PALM2AKAP2: variants seen among roughly 807,000 people sequenced by gnomAD.
The protein encoded by PALM2AKAP2 is PALM2 and AKAP2 fusion.
Under a neutral mutation model 71.5 loss-of-function variants are expected in PALM2AKAP2, and 37 were observed. The ratio of observed to expected loss-of-function variants is 0.52; its 90% CI spans 0.40 to 0.68. The LOEUF is 0.68. PALM2AKAP2 is among the 30% of genes least tolerant of loss of function. PALM2AKAP2 has a pLI of 0.00. For missense variants in PALM2AKAP2, 1,224 were observed against 1,191.8 expected, an observed-to-expected ratio of 1.03 and a Z score of -0.40; for synonymous variants, 468 against 478.8, an observed-to-expected ratio of 0.98 and a Z score of 0.29.
chr9:109,641,428 CAT>C (rs1385845060), intron 1 of PALM2AKAP2, among the ~76,000 whole-genome samples: 7 of 152,210 alleles, frequency 4.6e-5, no homozygotes, highest in Non-Finnish European at 8.8e-5. Flanking sequence ...ATAAGACAAA[CAT>C]ATTGGCGGCA....
intron 1 of PALM2AKAP2, among the ~76,000 whole-genome samples, chr9:109,715,416 C>G (rs946499425): frequency 1.3e-5 from 2 of 152,160 alleles, no homozygotes; most frequent in Non-Finnish European, 2.9e-5. Flanking sequence ...AGGGACAGAT[C>G]CTAAGAGGGG....
chr9:109,656,929 A>G (rs763903648), intron 1 of PALM2AKAP2, among the ~76,000 whole-genome samples: 5 of 152,228 alleles, frequency 3.3e-5, no homozygotes, highest in African/African-American at 4.8e-5. Flanking sequence ...ATATTGTAGC[A>G]ATATTGTCAA....
chr9:109,906,819 A>G (rs1587999313), intron 3 of PALM2AKAP2, among the ~76,000 whole-genome samples: 1 of 152,366 alleles, frequency 6.6e-6, no homozygotes, highest in Admixed American at 6.5e-5. Flanking sequence ...AAACAGGCAG[A>G]CAGACAAACA....
At chr9:109,736,309 A>G (rs1054773203) in intron 1 of PALM2AKAP2, among the ~76,000 whole-genome samples, 5 of 152,224 alleles carry the variant, frequency 3.3e-5, no homozygotes, top group Admixed American at 1.3e-4. Context: ...GACAATGAAC[A>G]TGAGAGAAAT....
intron 1 of PALM2AKAP2, among the ~76,000 whole-genome samples, chr9:110,131,056 T>G (rs1835724188): frequency 1.3e-5 from 2 of 152,204 alleles, no homozygotes; most frequent in African/African-American, 4.8e-5. Flanking sequence ...GGATCCTAGA[T>G]GACCATCCCT....
intron 1 of PALM2AKAP2, among the ~76,000 whole-genome samples, chr9:109,822,309 A>G (rs887541980): frequency 6.6e-6 from 1 of 151,408 alleles, no homozygotes; most frequent in African/African-American, 2.4e-5. Flanking sequence ...CCATCCATCT[A>G]TCCATCCATC....
intron 6 of PALM2AKAP2, among the ~76,000 whole-genome samples, chr9:109,936,557 G>A (rs1017869505): frequency 1.3e-5 from 2 of 152,154 alleles, no homozygotes; most frequent in Non-Finnish European, 2.9e-5. Flanking sequence ...TGCATTGCTT[G>A]TCTATCACAT....
chr9:110,052,637 C>A (rs952324581), intron 1 of PALM2AKAP2, among the ~76,000 whole-genome samples: 6 of 152,156 alleles, frequency 3.9e-5, no homozygotes, highest in Non-Finnish European at 7.3e-5. Context: ...TAACATAACA[C>A]CTGATATTTA....
intron 7 of PALM2AKAP2, among the ~76,000 whole-genome samples, chr9:110,031,349 C>A (rs1296037633): frequency 2.0e-5 from 3 of 152,202 alleles, no homozygotes; most frequent in African/African-American, 7.2e-5. Flanking sequence ...AGGCTGGTCT[C>A]GAACTCCTGA....
At chr9:109,749,762 G>A (rs908886727) in intron 1 of PALM2AKAP2, among the ~76,000 whole-genome samples, 1 of 152,210 alleles carries the variant, frequency 6.6e-6, no homozygotes, top group Non-Finnish European at 1.5e-5. Flanking sequence ...ACACCAGGCA[G>A]AGTGCTGAGC....
chr9:109,942,908 C>T (rs763449192), intron 6 of PALM2AKAP2: 3 of 1,614,156 alleles, frequency 1.9e-6, no homozygotes, highest in Non-Finnish European at 2.5e-6. Context: ...ATTCAGAAGG[C>T]TGGACAATCA....
At chr9:109,791,237 T>C (rs1441428301) in intron 1 of PALM2AKAP2, among the ~76,000 whole-genome samples, 1 of 152,180 alleles carries the variant, frequency 6.6e-6, no homozygotes, top group Non-Finnish European at 1.5e-5. Context: ...TTGGATGCGA[T>C]GAGGGAGAAT....
In PALM2AKAP2 at chr9:109,745,692, C is replaced by A. The variant is rs376642290; in HGVS notation, c.6-34796C>A. Reference sequence around the variant, plus strand: ...AACACATTTAGAAAAAGGTGGCAGACAATAACGACGTCTGGGAAGTGTTTC... The same window carrying A: ...AACACATTTAGAAAAAGGTGGCAGAAAATAACGACGTCTGGGAAGTGTTTC... On this transcript the variant is annotated intron_variant, in intron 1 of 6. Coordinates refer to the PALM2AKAP2 transcript ENST00000374531. 8.5e-5 allele frequency among the ~76,000 whole-genome samples: 13 copies of A among 152,272 alleles called. No homozygotes were observed. The East Asian group carries it at 2.3e-3, about 27-fold the overall frequency.
chr9:109,655,814 C>T (rs926725583), intron 1 of PALM2AKAP2, among the ~76,000 whole-genome samples: 4 of 152,148 alleles, frequency 2.6e-5, no homozygotes, highest in Admixed American at 2.0e-4. Context: ...GGCTATACCA[C>T]GTTTTATTAT....
intron 1 of PALM2AKAP2, among the ~76,000 whole-genome samples, chr9:109,739,479 G>A (rs370358451): frequency 3.3e-5 from 5 of 152,304 alleles, no homozygotes; most frequent in African/African-American, 1.2e-4. Flanking sequence ...ATAGATCACT[G>A]ATTCAAAACA....
At chr9:109,979,243 T>C (rs1434285900) in intron 6 of PALM2AKAP2, among the ~76,000 whole-genome samples, 1 of 152,212 alleles carries the variant, frequency 6.6e-6, no homozygotes, top group Non-Finnish European at 1.5e-5. Flanking sequence ...TCCGTCCACC[T>C]CGGCCTCCCA....
intron 1 of PALM2AKAP2, among the ~76,000 whole-genome samples, chr9:109,717,941 AAGAG>A (rs1041552444): frequency 6.6e-6 from 1 of 152,094 alleles, no homozygotes; most frequent in African/African-American, 2.4e-5. Context: ...GATATGTGGA[AAGAG>A]AGAGAGAGAA....
intron 6 of PALM2AKAP2, among the ~76,000 whole-genome samples, chr9:110,011,665 A>G (rs1189696438): frequency 6.6e-6 from 1 of 152,218 alleles, no homozygotes; most frequent in East Asian, 1.9e-4. Flanking sequence ...CCAAGTTCTC[A>G]AGAAGACAGG....
intron 3 of PALM2AKAP2, among the ~76,000 whole-genome samples, chr9:109,919,017 G>A (rs1304252368): frequency 5.3e-5 from 8 of 152,170 alleles, no homozygotes; most frequent in Non-Finnish European, 1.2e-4. Context: ...GTGGAGACAG[G>A]CCAGCCAGTG....
Sources: gnomAD v4.1 joint callset for allele counts (sites outside exome capture counted in the v4.1 genomes callset) on GRCh38, gnomAD v4.1.1 for gene constraint, MANE v1.5 for transcripts, NCBI Gene and HGNC (gene_info 2026-07-23, HGNC 2026-07-21) for gene names.